The following AMMECR1L variants were observed in gnomAD, a reference collection of about 807,000 sequenced individuals.
AMMECR1L encodes AMMECR1 like, also known as AMMECR1-like protein.
AMMECR1L carries 4 observed loss-of-function variants against 36.8 expected under a neutral mutation model. The ratio of observed to expected loss-of-function variants is 0.11; its 90% confidence interval spans 0.05 to 0.25. The LOEUF (loss-of-function observed/expected upper bound fraction) is 0.25. Ranked by LOEUF, AMMECR1L falls within the 10% of genes least tolerant of loss-of-function variation. The pLI, the probability that AMMECR1L is intolerant of heterozygous loss-of-function variation, is 1.00. For synonymous variants in AMMECR1L, 147 were observed against 148.0 expected, an observed-to-expected ratio of 0.99 and a Z score of 0.05; for missense variants, 232 against 392.1, an observed-to-expected ratio of 0.59 and a Z score of 3.45.
At chr2:127,866,830 C>T (rs936616609) in intron 7 of AMMECR1L, 70 bp downstream of exon 7, 4 of 1,388,302 alleles carry the variant, frequency 2.9e-6, no homozygotes, top group Non-Finnish European at 3.1e-6. Flanking sequence ...TCTTCTCCAT[C>T]CCATCAAAAT....
intron 2 of AMMECR1L, among the ~76,000 whole-genome samples, chr2:127,877,056 T>TATATATAG (rs1405354696): frequency 1.4e-5 from 2 of 146,988 alleles, no homozygotes; most frequent in Non-Finnish European, 3.0e-5. Context: ...TATATATATA[T>TATATATAG]GTACATAAAG....
chr2:127,881,703 C>A (rs535471853), intron 2 of AMMECR1L, among the ~76,000 whole-genome samples: 12 of 152,340 alleles, frequency 7.9e-5, no homozygotes, highest in African/African-American at 2.9e-4. Flanking sequence ...CCCTACCCCA[C>A]TGATAAAAGT....
chr2:127,873,296 T>C lies in AMMECR1L; in HGVS notation c.407+532A>G. 1.0e-6 allele frequency: 1 copy of C among 985,464 alleles called. No homozygotes were observed. The highest frequency in any genetic ancestry group is 1.2e-6 in the Non-Finnish European group (1 of 829,946). 61.0% of individuals were successfully genotyped at this position (985,464 alleles called of 1,614,324 possible). A position where few individuals can be genotyped will look rare whatever the true frequency, so the allele number is the denominator to read the frequency against. ...GCTTGGGACAAGCAACAAAGAATCT[T>C]GAACTAAAAATACTGAAGCAGATTC... On this transcript the variant is annotated intron_variant, in intron 3 of 7. Transcript: ENST00000272647. This position sits in a 1 kb window ranked among gnomAD's most constrained non-coding sequence, Gnocchi z 5.2.
In AMMECR1L at chr2:127,871,978, A is replaced by G. The variant is rs7584140; in HGVS notation, c.408-619T>C. Among the ~76,000 whole-genome samples the G allele has an allele frequency of 8.6e-5, 13 of 151,842 alleles. No individual in the cohort carries two copies. In the South Asian group the frequency reaches 2.7e-3, roughly 32 times the overall value. ...CCAAGGTGGGCGGATCACTTGAGGT[A>G]AGGAGTTCTAGACCAGCCTGGTCAT... On this transcript the variant is annotated intron_variant, in intron 3 of 7. Transcript: ENST00000272647. This position sits in a 1 kb window ranked among gnomAD's most constrained non-coding sequence, Gnocchi z 4.3.
intron 2 of AMMECR1L, among the ~76,000 whole-genome samples, chr2:127,876,302 AC>A (rs1454313471): frequency 6.7e-6 from 1 of 148,374 alleles, no homozygotes; most frequent in African/African-American, 2.5e-5. Context: ...GTGAGCTATG[AC>A]CATGCCACTG....
At chr2:127,882,664 G>A (rs1691561363) in intron 2 of AMMECR1L, among the ~76,000 whole-genome samples, 1 of 152,134 alleles carries the variant, frequency 6.6e-6, no homozygotes, top group Admixed American at 6.6e-5. Context: ...TACAATCACA[G>A]CTCAATGCGG....
chr2:127,883,554 C>T (rs1413744124), intron 2 of AMMECR1L, among the ~76,000 whole-genome samples: 1 of 151,996 alleles, frequency 6.6e-6, no homozygotes, highest in East Asian at 1.9e-4. Context: ...ACATTTATCC[C>T]CTGTGTCCCT....
At position 127,863,056 on chromosome 2, in the gene AMMECR1L, A is replaced by C. The variant is rs1690533689; in HGVS notation, c.*2038T>G. On this transcript the variant is annotated 3_prime_UTR_variant, in exon 8 of 8. Coordinates refer to ENST00000272647, the MANE Select transcript of AMMECR1L (RefSeq NM_001199140.2). ...TAGCACCAATTTTTTTGCTTTTTTT[A>C]ATCTTTAGAAATTAAACACAACTCT... 2.6e-5 allele frequency: 4 copies of C among 152,382 alleles called. No homozygotes were observed. Among genetic ancestry groups the C allele is most frequent in the African/African-American group, 9.7e-5 (4 of 41,358 alleles). The allele number at this position is 152,382 out of a possible 1,614,324, so 9.4% of individuals were successfully genotyped here. A position where few individuals can be genotyped will look rare whatever the true frequency, so the allele number is the denominator to read the frequency against.
chr2:127,875,642 TA>T (rs1691196086), intron 2 of AMMECR1L, among the ~76,000 whole-genome samples: 1 of 152,242 alleles, frequency 6.6e-6, no homozygotes, highest in Non-Finnish European at 1.5e-5. Context: ...GTTCTTCATA[TA>T]TGCTGATCCA....
Position 127,873,300 on chromosome 2 carries a change from C to T in AMMECR1L, c.407+528G>A. 8.1e-6 allele frequency: 8 copies of T among 985,444 alleles called. No individual in the cohort carries two copies. The highest frequency in any genetic ancestry group is 9.6e-6 in the Non-Finnish European group (8 of 829,930). The allele number at this position is 985,444 out of a possible 1,614,324, so 61.0% of individuals were successfully genotyped here. A position where few individuals can be genotyped will look rare whatever the true frequency, so the allele number is the denominator to read the frequency against. ...GGGACAAGCAACAAAGAATCTTGAA[C>T]TAAAAATACTGAAGCAGATTCTGAC... is the stretch of plus-strand genomic sequence containing the variant. On this transcript the variant is annotated intron_variant, in intron 3 of 7. Coordinates refer to ENST00000272647, the MANE Select transcript of AMMECR1L (RefSeq NM_001199140.2). This position sits in a 1 kb window ranked among gnomAD's most constrained non-coding sequence, Gnocchi z 5.2.
rs1023227221 is a variant in AMMECR1L, at chr2:127,864,822, A to G, written c.*272T>C. On this transcript the variant is annotated 3_prime_UTR_variant, in exon 8 of 8. Coordinates refer to ENST00000272647, the MANE Select transcript of AMMECR1L (RefSeq NM_001199140.2). ...CCAGACAAGGGTCTTCTGAACCCAC[A>G]GTAATTCCCACTAGTCATGGAGGAG... is the stretch of plus-strand genomic sequence containing the variant. The G allele has an allele frequency of 2.7e-5, 7 of 263,938 alleles. No homozygotes were observed. The highest frequency in any genetic ancestry group is 1.6e-4 in the African/African-American group (7 of 44,838). 16.3% of individuals were successfully genotyped at this position (263,938 alleles called of 1,614,324 possible).
At position 127,874,964 on chromosome 2, in the gene AMMECR1L, C is replaced by T. The variant is rs917371936; in HGVS notation, c.-38-692G>A. Among the ~76,000 whole-genome samples the T allele has an allele frequency of 2.6e-5, 4 of 152,150 alleles. No individual in the cohort carries two copies. Among genetic ancestry groups the T allele is most frequent in the African/African-American group, 7.2e-5 (3 of 41,418 alleles). ...TCCTTTCAAGACCCCATTCAGAAAA[C>T]CTGCAACCTAGCAGAAACCTTTATT... On this transcript the variant is annotated intron_variant, in intron 2 of 7. Coordinates refer to ENST00000272647, the MANE Select transcript of AMMECR1L (RefSeq NM_001199140.2). The surrounding 1 kb of genome is among the most constrained non-coding windows in gnomAD (Gnocchi z 5.2).
chr2:127,868,315 T>C (rs1170145183), intron 6 of AMMECR1L, among the ~76,000 whole-genome samples: 1 of 152,212 alleles, frequency 6.6e-6, no homozygotes, highest in African/African-American at 2.4e-5. Context: ...AGTTATTATT[T>C]ACACCTCCCC....
chr2:127,867,276 T>C lies in AMMECR1L; in HGVS notation c.725-280A>G, dbSNP rs1343302353. The C allele has an allele frequency of 6.1e-6, 6 of 985,454 alleles. No homozygotes were observed. In the East Asian group the frequency reaches 6.8e-4, roughly 112 times the overall value. The allele number at this position is 985,454 out of a possible 1,614,324, so 61.0% of individuals were successfully genotyped here. On this transcript the variant is annotated intron_variant, in intron 6 of 7. Transcript: ENST00000272647. ...CCTGTCAGATGTTACCCCAGTATAA[T>C]TATCTAGGAACAAACATGGTTCCAA...
rs1691080262 is a variant in AMMECR1L at position 127,873,430 on chromosome 2, C to T, written c.407+398G>A. Reference sequence around the variant, plus strand: ...AATCGCAGATCCCAGTGAATGAGAGCTCCTAGTCTCCAGCCTGGCCCTCAG... The same window carrying T: ...AATCGCAGATCCCAGTGAATGAGAGTTCCTAGTCTCCAGCCTGGCCCTCAG... On this transcript the variant is annotated intron_variant, in intron 3 of 7. Coordinates refer to ENST00000272647, the MANE Select transcript of AMMECR1L (RefSeq NM_001199140.2). This position sits in a 1 kb window ranked among gnomAD's most constrained non-coding sequence, Gnocchi z 5.2. 1.0e-6 allele frequency: 1 copy of T among 985,318 alleles called. No homozygotes were observed. Among genetic ancestry groups the T allele is most frequent in the South Asian group, 4.7e-5 (1 of 21,292 alleles). 61.0% of individuals were successfully genotyped at this position (985,318 alleles called of 1,614,324 possible).
intron 2 of AMMECR1L, among the ~76,000 whole-genome samples, chr2:127,877,336 ATTTT>A (rs71394702): frequency 7.2e-6 from 1 of 139,338 alleles, no homozygotes; most frequent in African/African-American, 2.7e-5. Context: ...CAGCGCTAGA[ATTTT>A]TTTTTTTTTT....
Position 127,871,323 on chromosome 2 carries a change from C to T in AMMECR1L, c.444G>A (p.Lys148=), listed in dbSNP as rs201719566. 3.2e-5 allele frequency: 52 copies of T among 1,614,140 alleles called. No homozygotes were observed. The highest frequency in any genetic ancestry group is 4.1e-5 in the Non-Finnish European group (48 of 1,180,036). Reference sequence around the variant, plus strand: ...AGGTCCCAATGCAGCCACGAAGCCGCTTGTCCCGCCCTGTCTTCCACGTCA... The same window carrying T: ...AGGTCCCAATGCAGCCACGAAGCCGTTTGTCCCGCCCTGTCTTCCACGTCA... ...LFVTWKTGRD[K]RLRGCIGTFS... The change falls in exon 4 of 8, where the codon AAG becomes AAA. Residue 148 remains lysine (K), a synonymous_variant. Coordinates refer to ENST00000272647, the MANE Select transcript of AMMECR1L (RefSeq NM_001199140.2). The surrounding 1 kb of genome is among the most constrained non-coding windows in gnomAD (Gnocchi z 4.3).
At chr2:127,867,707 C>A (rs112865768) in intron 6 of AMMECR1L, among the ~76,000 whole-genome samples, 3 of 151,926 alleles carry the variant, frequency 2.0e-5, no homozygotes, top group African/African-American at 7.3e-5. Flanking sequence ...GATCACACCA[C>A]CGCACTCCAG....
chr2:127,865,302 G>T lies in AMMECR1L; in HGVS notation c.822-97C>A. On this transcript the variant is annotated intron_variant, in intron 7 of 7. Transcript: ENST00000272647. The surrounding 1 kb of genome is among the most constrained non-coding windows in gnomAD (Gnocchi z 5.4). ...AAACCAAAAGCTTATTCCACATTTT[G>T]AAAGAATAAAATGGAAGACCAAGAG... The T allele has an allele frequency of 1.4e-6, 1 of 696,518 alleles. No homozygotes were observed. The highest frequency in any genetic ancestry group is 2.3e-6 in the Non-Finnish European group (1 of 439,354). 43.1% of individuals were successfully genotyped at this position (696,518 alleles called of 1,614,324 possible). A position where few individuals can be genotyped will look rare whatever the true frequency, so the allele number is the denominator to read the frequency against.
Sources: gnomAD v4.1 joint callset for allele counts (sites outside exome capture counted in the v4.1 genomes callset) on GRCh38, gnomAD v4.1.1 for gene constraint, Gnocchi (gnomAD v3.1) non-coding constraint, MANE v1.5 for transcripts, NCBI Gene and HGNC (gene_info 2026-07-23, HGNC 2026-07-21) for gene names.